PAN3: variants seen among roughly 807,000 people sequenced by gnomAD.
PAN3 encodes the protein PAN2-PAN3 deadenylation complex subunit PAN3.
PAN3 carries 19 observed loss-of-function variants against 96.2 expected under a neutral mutation model. That is an observed-to-expected ratio of 0.20 (90% CI 0.14 to 0.29). The LOEUF (loss-of-function observed/expected upper bound fraction) is 0.29. Ranked by LOEUF, PAN3 falls within the 10% of genes least tolerant of loss-of-function variation. The pLI is 1.00. For missense variants in PAN3, 882 were observed against 1,108.1 expected (o/e 0.80, Z 2.90); for synonymous variants, 433 against 406.6 (o/e 1.06, Z -0.78).
intron 5 of PAN3, chr13:28,214,927 T>C: frequency 7.6e-7 from 1 of 1,324,312 alleles, no homozygotes; most frequent in Non-Finnish European, 1.1e-6. Flanking sequence ...GACCATGCCC[T>C]TCTGGCTTAC....
Position 28,215,990 on chromosome 13 carries a change from G to A in PAN3, c.853-4241G>A, listed in dbSNP as rs1298177349. The A allele has an allele frequency of 6.9e-6, 5 of 728,342 alleles. No homozygotes were observed. In the African/African-American group the frequency reaches 8.7e-5, roughly 13 times the overall value. 45.1% of individuals were successfully genotyped at this position (728,342 alleles called of 1,614,324 possible). A position where few individuals can be genotyped will look rare whatever the true frequency, so the allele number is the denominator to read the frequency against. ...TTTCAGTTGGCCATTTAAGTTAATA[G>A]TAAAAGACTGGTTAAAGATAACAAT... On this transcript the variant is annotated intron_variant, in intron 5 of 18. Coordinates refer to ENST00000380958, the MANE Select transcript of PAN3 (RefSeq NM_175854.8).
At chr13:28,198,289 CA>C (rs539191279) in intron 5 of PAN3, among the ~76,000 whole-genome samples, 562 of 124,210 alleles carry the variant, frequency 4.5e-3, no homozygotes, top group African/African-American at 7.6e-3. Flanking sequence ...GATTCTGTCT[CA>C]AAAAAAAAAA....
chr13:28,168,846 G>C (rs1056653371), intron 1 of PAN3, among the ~76,000 whole-genome samples: 1 of 151,708 alleles, frequency 6.6e-6, no homozygotes, highest in African/African-American at 2.4e-5. Flanking sequence ...GTGAAACCCC[G>C]TCTCTATTAA....
At chr13:28,187,757 G>T (rs1174587530) in intron 4 of PAN3, among the ~76,000 whole-genome samples, 3 of 151,972 alleles carry the variant, frequency 2.0e-5, no homozygotes, top group Non-Finnish European at 4.4e-5. Flanking sequence ...GCAGTGTCTT[G>T]CCCTGTTTCC....
chr13:28,288,537 C>T (rs551948931), intron 18 of PAN3, among the ~76,000 whole-genome samples: 2 of 152,360 alleles, frequency 1.3e-5, no homozygotes, highest in South Asian at 4.1e-4. Context: ...AGTGATTCGC[C>T]TGCCTCAGCC....
At chr13:28,232,138 A>G (rs1056144548) in intron 6 of PAN3, among the ~76,000 whole-genome samples, 1 of 152,168 alleles carries the variant, frequency 6.6e-6, no homozygotes, top group African/African-American at 2.4e-5. Flanking sequence ...TTTATTTGTA[A>G]TATCTTTGTA....
intron 5 of PAN3, chr13:28,215,427 CATT>C (rs1880617780): frequency 2.8e-6 from 2 of 710,060 alleles, no homozygotes; most frequent in Non-Finnish European, 5.2e-6. Context: ...TTCTTGGAGA[CATT>C]ATGGGCTTCA....
Position 28,176,486 on chromosome 13 carries a change from T to C in PAN3, c.553-7T>C. 2 of 1,611,748 alleles carry C rather than the reference T, an allele frequency of 1.2e-6. No individual in the cohort carries two copies. The highest frequency in any genetic ancestry group is 1.7e-6 in the Non-Finnish European group (2 of 1,177,922). On this transcript the variant is annotated splice_region_variant and splice_polypyrimidine_tract_variant and intron_variant, in intron 2 of 18. Transcript: ENST00000380958. ...GTGATGTTATAAATAAATATTTTGTTTTTCAGAGAATGACTAATAGTAGCA... is the reference window on the plus strand; with the variant it reads ...GTGATGTTATAAATAAATATTTTGTCTTTCAGAGAATGACTAATAGTAGCA...
chr13:28,210,258 T>C (rs1184535977), intron 5 of PAN3, among the ~76,000 whole-genome samples: 1 of 152,196 alleles, frequency 6.6e-6, no homozygotes, highest in Non-Finnish European at 1.5e-5. Flanking sequence ...GAGAATTGCT[T>C]TATGCTGAGA....
intron 5 of PAN3, among the ~76,000 whole-genome samples, chr13:28,205,813 T>C (rs537473282): frequency 3.3e-5 from 5 of 150,372 alleles, no homozygotes; most frequent in Admixed American, 2.7e-4. Flanking sequence ...CCAGTCTGCG[T>C]GACAGAGCAA....
At chr13:28,193,606 G>C (rs1170001193) in intron 4 of PAN3, among the ~76,000 whole-genome samples, 2 of 151,826 alleles carry the variant, frequency 1.3e-5, no homozygotes, top group Non-Finnish European at 2.9e-5. Flanking sequence ...AGCTGGGCGT[G>C]GTGGTACACA....
Position 28,244,682 on chromosome 13 carries a change from T to C in PAN3, c.1001-11610T>C, listed in dbSNP as rs74960300. Among the ~76,000 whole-genome samples the C allele has an allele frequency of 9.8e-3, 1,490 of 152,250 alleles. 17 individuals carry two copies. The highest frequency in any genetic ancestry group is 0.034 in the African/African-American group (1,423 of 41,550). On this transcript the variant is annotated intron_variant, in intron 6 of 18. Coordinates refer to ENST00000380958, the MANE Select transcript of PAN3 (RefSeq NM_175854.8). ...CATTTTTCAGTGTCTAATGGTGTTA[T>C]GGCCCACTTTTATCTTGTTTTTGTT...
chr13:28,214,836 C>A, intron 5 of PAN3: 1 of 672,566 alleles, frequency 1.5e-6, no homozygotes, highest in East Asian at 2.7e-5. Context: ...TGGGACATCT[C>A]AGGCTGACTG....
intron 5 of PAN3, among the ~76,000 whole-genome samples, chr13:28,212,534 C>G (rs1037054643): frequency 2.0e-5 from 3 of 152,022 alleles, no homozygotes; most frequent in Non-Finnish European, 4.4e-5. Context: ...AAAACTGATC[C>G]AGAAATAGTT....
rs143493283 is a variant in PAN3, at chr13:28,232,806, T to C, written c.1000+12428T>C. On this transcript the variant is annotated intron_variant, in intron 6 of 18. Coordinates refer to ENST00000380958, the MANE Select transcript of PAN3 (RefSeq NM_175854.8). ...GTGAGCAACCCTTATCCAAAAACTT[T>C]TTTTTAAAGACTCCCTTTTATTATG... is the stretch of plus-strand genomic sequence containing the variant. 1.9e-3 allele frequency among the ~76,000 whole-genome samples: 293 copies of C among 152,214 alleles called. 1 individual carries two copies. Among genetic ancestry groups the C allele is most frequent in the Non-Finnish European group, 3.2e-3 (215 of 67,992 alleles).
In PAN3 at chr13:28,220,197, G is replaced by A. The variant is rs772519674; in HGVS notation, c.853-34G>A. On this transcript the variant is annotated intron_variant, in intron 5 of 18. Transcript: ENST00000380958. ...ATTCAATGTCTTTTTTCGGCTTAAA[G>A]TGTGTTAACTTACTATATTTGATTT... is the stretch of plus-strand genomic sequence containing the variant. The A allele has an allele frequency of 5.0e-6, 8 of 1,594,524 alleles. No homozygotes were observed. In the Admixed American group the frequency reaches 8.6e-5, roughly 17 times the overall value.
At chr13:28,290,424 G>A (rs1172829164) in intron 18 of PAN3, among the ~76,000 whole-genome samples, 2 of 152,288 alleles carry the variant, frequency 1.3e-5, no homozygotes, top group African/African-American at 4.8e-5. Flanking sequence ...TCTCACGCCT[G>A]TAATCCCAGC....
intron 6 of PAN3, among the ~76,000 whole-genome samples, chr13:28,227,032 C>T (rs1882078042): frequency 1.3e-5 from 2 of 152,104 alleles, no homozygotes; most frequent in Admixed American, 1.3e-4. Context: ...AGGAGCTCAT[C>T]CTAGAAGGAA....
intron 16 of PAN3, among the ~76,000 whole-genome samples, chr13:28,280,779 T>C (rs1455825547): frequency 6.6e-6 from 1 of 152,028 alleles, no homozygotes; most frequent in Admixed American, 6.6e-5. Context: ...CAGGCTGGTC[T>C]TGAGCTCCTG....
Sources: allele counts gnomAD v4.1 joint callset (sites outside exome capture counted in the v4.1 genomes callset), GRCh38; gene constraint gnomAD v4.1.1; transcripts MANE v1.5; gene names NCBI Gene and HGNC (gene_info 2026-07-23, HGNC 2026-07-21).